PCDH11X: variants seen among roughly 807,000 people sequenced by gnomAD.
The protein encoded by PCDH11X is protocadherin-11 X-linked.
PCDH11X carries 18 observed loss-of-function variants against 53.3 expected under a neutral mutation model. The observed-to-expected ratio is 0.34, with a 90% CI of 0.23 to 0.50. The LOEUF is 0.50. Ranked by LOEUF, PCDH11X falls within the 20% of genes least tolerant of loss-of-function variation. PCDH11X has a pLI of 0.98. For synonymous variants in PCDH11X, 279 were observed against 393.3 expected, an observed-to-expected ratio of 0.71 and a Z score of 3.44; for missense variants, 570 against 1,032.4, an observed-to-expected ratio of 0.55 and a Z score of 6.14.
At chrX:92,034,068 T>G (rs1239927975) in intron 6 of PCDH11X, among the ~76,000 whole-genome samples, 2 of 110,271 alleles carry the variant, frequency 1.8e-5, no homozygotes, top group African/African-American at 6.6e-5. Flanking sequence ...CCCAAATACC[T>G]CTTGTTATTG....
chrX:92,533,332 A>T (rs2074594915), intron 10 of PCDH11X, among the ~76,000 whole-genome samples: 1 of 110,771 alleles, frequency 9.0e-6, no homozygotes, highest in Non-Finnish European at 1.9e-5. Flanking sequence ...AGAAAAAAAA[A>T]ATGTCCTACT....
chrX:91,821,691 C>A (rs1307909514), intron 4 of PCDH11X, among the ~76,000 whole-genome samples: 1 of 103,363 alleles, frequency 9.7e-6, no homozygotes, highest in South Asian at 4.2e-4. Flanking sequence ...ATTGGCCTGG[C>A]CAGAACTTCC....
intron 7 of PCDH11X, among the ~76,000 whole-genome samples, chrX:92,219,636 A>T (rs2148351568): frequency 1.0e-5 from 1 of 98,216 alleles, no homozygotes; most frequent in African/African-American, 3.7e-5. Context: ...GGTAATTTAT[A>T]GATTCAATGC....
At chrX:91,817,520 A>G (rs1456438306) in intron 4 of PCDH11X, among the ~76,000 whole-genome samples, 1 of 110,779 alleles carries the variant, frequency 9.0e-6, no homozygotes, top group Admixed American at 9.7e-5. Flanking sequence ...CTTCTGATCT[A>G]GATTAGTACT....
intron 6 of PCDH11X, among the ~76,000 whole-genome samples, chrX:92,100,259 G>C (rs2064215078): frequency 9.0e-6 from 1 of 111,620 alleles, no homozygotes; most frequent in Non-Finnish European, 1.9e-5. Context: ...TCCCTGTGAA[G>C]AGACCACCAA....
chrX:91,977,573 T>A (rs1056039758), intron 6 of PCDH11X, among the ~76,000 whole-genome samples: 14 of 111,188 alleles, frequency 1.3e-4, no homozygotes, highest in Admixed American at 1.2e-3. Context: ...GCATTTGTAG[T>A]GAATATCCTG....
chrX:92,208,193 TAAAAAA>T (rs66614821), intron 7 of PCDH11X, among the ~76,000 whole-genome samples: 11 of 85,245 alleles, frequency 1.3e-4, no homozygotes, highest in Admixed American at 3.0e-4. Flanking sequence ...AGACTCCATC[TAAAAAA>T]AAAAAAAAAA....
intron 6 of PCDH11X, among the ~76,000 whole-genome samples, chrX:92,170,781 TG>T (rs2148275336): frequency 9.7e-6 from 1 of 103,287 alleles, no homozygotes; most frequent in East Asian, 3.1e-4. Context: ...TTTCTTGTTT[TG>T]TTTTTTTGTT....
At chrX:92,247,127 C>A (rs1055163486) in intron 7 of PCDH11X, among the ~76,000 whole-genome samples, 4 of 111,854 alleles carry the variant, frequency 3.6e-5, no homozygotes, top group African/African-American at 1.3e-4. Context: ...TCCTCTAGGA[C>A]AGAAGCCTTA....
chrX:92,304,456 CAAT>C (rs762311952), intron 8 of PCDH11X, among the ~76,000 whole-genome samples: 1 of 111,644 alleles, frequency 9.0e-6, no homozygotes, highest in Non-Finnish European at 1.9e-5. Context: ...AAGAACCACT[CAAT>C]GATATAAATA....
chrX:92,577,408 T>C (rs1265333502), intron 10 of PCDH11X, among the ~76,000 whole-genome samples: 1 of 110,602 alleles, frequency 9.0e-6, no homozygotes. Context: ...TTATCATTTC[T>C]GAATATGTTC....
chrX:92,141,099 A>G (rs1371913734), intron 6 of PCDH11X, among the ~76,000 whole-genome samples: 3 of 111,608 alleles, frequency 2.7e-5, no homozygotes, highest in Non-Finnish European at 5.7e-5. Context: ...AAGAAGGGGA[A>G]ACAGGTGGAG....
At chrX:91,900,507 C>T (rs1156873788) in intron 6 of PCDH11X, among the ~76,000 whole-genome samples, 1 of 108,794 alleles carries the variant, frequency 9.2e-6, no homozygotes, top group African/African-American at 3.3e-5. Flanking sequence ...AGAGGATACA[C>T]AGCCTTCTGG....
intron 7 of PCDH11X, among the ~76,000 whole-genome samples, chrX:92,204,691 T>C (rs761058458): frequency 1.2e-4 from 14 of 112,566 alleles, no homozygotes; most frequent in African/African-American, 3.9e-4. Flanking sequence ...TAGGGTATCC[T>C]TATATCAGCA....
intron 10 of PCDH11X, among the ~76,000 whole-genome samples, chrX:92,603,692 A>G (rs1230008761): frequency 3.9e-5 from 4 of 101,693 alleles, no homozygotes; most frequent in African/African-American, 1.4e-4. Context: ...TGAAAGTGAA[A>G]TACAAACCTT....
At chrX:92,493,471 T>TC (rs1275438236) in intron 10 of PCDH11X, among the ~76,000 whole-genome samples, 1 of 93,463 alleles carries the variant, frequency 1.1e-5, no homozygotes, top group Non-Finnish European at 2.1e-5. Context: ...AGTTCATACA[T>TC]CTTTTTTTTT....
At chrX:92,122,297 A>C (rs777508977) in intron 6 of PCDH11X, among the ~76,000 whole-genome samples, 1 of 111,340 alleles carries the variant, frequency 9.0e-6, no homozygotes, top group East Asian at 2.8e-4. Flanking sequence ...CACCTCTTGA[A>C]AAACCAAATC....
intron 10 of PCDH11X, among the ~76,000 whole-genome samples, chrX:92,499,869 A>G (rs2073931898): frequency 9.4e-6 from 1 of 106,807 alleles, no homozygotes; most frequent in South Asian, 4.2e-4. Context: ...AAGAAAGAAG[A>G]AAGAAAGAAA....
At chrX:91,843,546 G>A (rs2524457) in intron 5 of PCDH11X, among the ~76,000 whole-genome samples, 1 of 110,439 alleles carries the variant, frequency 9.1e-6, no homozygotes, top group Non-Finnish European at 1.9e-5. Flanking sequence ...TCAAACTCCT[G>A]ACCTCCAGTG....
Sources: gnomAD v4.1 joint callset for allele counts (sites outside exome capture counted in the v4.1 genomes callset) on GRCh38, gnomAD v4.1.1 for gene constraint, MANE v1.5 for transcripts, NCBI Gene and HGNC (gene_info 2026-07-23, HGNC 2026-07-21) for gene names.